Variants in PAPPA2 observed in about 807,000 individuals in gnomAD.
The protein encoded by PAPPA2 is pappalysin 2, also known as pappalysin-2.
In PAPPA2, 86 loss-of-function variants were observed where a neutral mutation model predicts 176.4. That is an observed-to-expected ratio of 0.49 (90% CI 0.41 to 0.58). PAPPA2 has a LOEUF of 0.58. PAPPA2 is among the 20% of genes least tolerant of loss of function. The pLI, the probability that PAPPA2 is intolerant of heterozygous loss-of-function variation, is 0.00. For missense variants in PAPPA2, 2,073 were observed against 2,256.9 expected, an observed-to-expected ratio of 0.92 and a Z score of 1.65; for synonymous variants, 809 against 852.2, an observed-to-expected ratio of 0.95 and a Z score of 0.88.
At chr1:176,676,510 G>A (rs1659307414) in intron 4 of PAPPA2, among the ~76,000 whole-genome samples, 1 of 151,824 alleles carries the variant, frequency 6.6e-6, no homozygotes, top group Non-Finnish European at 1.5e-5. Context: ...CACATTTGCA[G>A]TATTCTCAAA....
At chr1:176,511,131 A>C (rs1648575780) in intron 1 of PAPPA2, among the ~76,000 whole-genome samples, 1 of 152,162 alleles carries the variant, frequency 6.6e-6, no homozygotes, top group African/African-American at 2.4e-5. Context: ...GTTGTCTATA[A>C]AATGTGTACA....
At chr1:176,650,426 T>A (rs907875972) in intron 3 of PAPPA2, among the ~76,000 whole-genome samples, 5 of 151,420 alleles carry the variant, frequency 3.3e-5, no homozygotes, top group Non-Finnish European at 7.4e-5. Context: ...TTTTATTATA[T>A]ACTTTAAGTT....
chr1:176,598,805 T>G (rs10913214), intron 3 of PAPPA2, among the ~76,000 whole-genome samples: 24,308 of 152,100 alleles, frequency 0.16, 2,074 homozygotes, highest in Middle Eastern at 0.22. Flanking sequence ...CCAGTTGTCT[T>G]TAGGTCTGCT....
intron 3 of PAPPA2, among the ~76,000 whole-genome samples, chr1:176,629,374 G>A (rs1656216406): frequency 6.6e-6 from 1 of 152,216 alleles, no homozygotes; most frequent in Non-Finnish European, 1.5e-5. Context: ...TGGTATTTAT[G>A]TATGAGGTCT....
chr1:176,704,362 C>T (rs1328119778), intron 9 of PAPPA2, among the ~76,000 whole-genome samples: 1 of 152,158 alleles, frequency 6.6e-6, no homozygotes, highest in Non-Finnish European at 1.5e-5. Flanking sequence ...CACCACATTA[C>T]ACGTAAAACA....
intron 1 of PAPPA2, among the ~76,000 whole-genome samples, chr1:176,554,972 A>AGT (rs561289002): frequency 0.058 from 8,099 of 140,630 alleles, 679 homozygotes; most frequent in African/African-American, 0.19. Context: ...GTTCACAGTA[A>AGT]GTGTGTGTGT....
intron 4 of PAPPA2, among the ~76,000 whole-genome samples, chr1:176,677,205 A>G (rs1013785953): frequency 1.3e-5 from 2 of 152,320 alleles, no homozygotes; most frequent in South Asian, 2.1e-4. Context: ...AGAGGAAGAC[A>G]TTCAGAATTT....
chr1:176,562,600 C>A (rs746806383), intron 2 of PAPPA2, among the ~76,000 whole-genome samples: 1 of 152,194 alleles, frequency 6.6e-6, no homozygotes, highest in Non-Finnish European at 1.5e-5. Context: ...GAACTCTGCT[C>A]CCTGGTTAGG....
intron 1 of PAPPA2, among the ~76,000 whole-genome samples, chr1:176,495,128 G>A (rs1558401271): frequency 6.6e-6 from 1 of 152,194 alleles, no homozygotes; most frequent in Non-Finnish European, 1.5e-5. Context: ...TAAGGCAAGA[G>A]ATGATGATAA....
chr1:176,569,170 A>C (rs972111436), intron 2 of PAPPA2, among the ~76,000 whole-genome samples: 1 of 152,042 alleles, frequency 6.6e-6, no homozygotes, highest in Non-Finnish European at 1.5e-5. Context: ...ACACACCCAC[A>C]CCTTCATATA....
At chr1:176,600,193 T>G (rs1476239055) in intron 3 of PAPPA2, among the ~76,000 whole-genome samples, 1 of 152,180 alleles carries the variant, frequency 6.6e-6, no homozygotes, top group Non-Finnish European at 1.5e-5. Flanking sequence ...TTCTCTGGGT[T>G]TAAATCCAGG....
rs11287389 is a variant in PAPPA2 at position 176,778,190 on chromosome 1, TA to T, written c.4715+7019del. ...CACCAAAATAGAAACTTTATTAAAT[TA>T]AAAAAAAATGTACTATTCTCCCCCA... On this transcript the variant is annotated intron_variant, in intron 17 of 22. Coordinates refer to ENST00000367662, the MANE Select transcript of PAPPA2 (RefSeq NM_020318.3). Among the ~76,000 whole-genome samples, 1,440 of 151,262 alleles carry T rather than the reference TA, an allele frequency of 9.5e-3. 30 individuals are homozygous for T. The highest frequency in any genetic ancestry group is 0.031 in the African/African-American group (1,299 of 41,246).
chr1:176,752,610 A>G (rs1663237424), intron 14 of PAPPA2, among the ~76,000 whole-genome samples: 2 of 152,308 alleles, frequency 1.3e-5, no homozygotes, highest in South Asian at 2.1e-4. Flanking sequence ...TGACATGAAT[A>G]CTAATTTAGT....
chr1:176,644,129 G>T (rs1450103788), intron 3 of PAPPA2, among the ~76,000 whole-genome samples: 1 of 151,774 alleles, frequency 6.6e-6, no homozygotes, highest in Non-Finnish European at 1.5e-5. Context: ...CCTCTCAAAA[G>T]CTCAGTGTCT....
At chr1:176,647,031 G>C (rs947194836) in intron 3 of PAPPA2, among the ~76,000 whole-genome samples, 1 of 151,464 alleles carries the variant, frequency 6.6e-6, no homozygotes, top group East Asian at 1.9e-4. Flanking sequence ...CTTACCTACT[G>C]TATATAACAG....
chr1:176,604,640 G>A (rs1346237111), intron 3 of PAPPA2, among the ~76,000 whole-genome samples: 1 of 151,976 alleles, frequency 6.6e-6, no homozygotes, highest in Non-Finnish European at 1.5e-5. Context: ...TTTACTATCT[G>A]GCCGTTTATG....
At chr1:176,562,486 A>G (rs1651733808) in intron 2 of PAPPA2, among the ~76,000 whole-genome samples, 1 of 152,178 alleles carries the variant, frequency 6.6e-6, no homozygotes, top group Non-Finnish European at 1.5e-5. Flanking sequence ...TGAGGTTTGC[A>G]TGGCCCTCTC....
At chr1:176,646,315 T>A (rs1389110103) in intron 3 of PAPPA2, among the ~76,000 whole-genome samples, 1 of 151,338 alleles carries the variant, frequency 6.6e-6, no homozygotes, top group Non-Finnish European at 1.5e-5. Context: ...ATGAGGTACA[T>A]GAGATATTTT....
Position 176,842,614 on chromosome 1 carries a change from G to T in PAPPA2, c.*160G>T, listed in dbSNP as rs896128393. On this transcript the variant is annotated 3_prime_UTR_variant, in exon 23 of 23. Coordinates refer to ENST00000367662, the MANE Select transcript of PAPPA2 (RefSeq NM_020318.3). ...AAGAAATGCAAGAGGATATTGATAG[G>T]TGTGAACTAGTTCATCAAGTAGCCC... 3.0e-6 allele frequency: 2 copies of T among 674,554 alleles called. No individual in the cohort carries two copies. The highest frequency in any genetic ancestry group is 2.5e-6 in the Non-Finnish European group (1 of 404,100). 41.8% of individuals were successfully genotyped at this position (674,554 alleles called of 1,614,324 possible). A position where few individuals can be genotyped will look rare whatever the true frequency, so the allele number is the denominator to read the frequency against.
Sources: allele counts gnomAD v4.1 joint callset (sites outside exome capture counted in the v4.1 genomes callset), GRCh38; gene constraint gnomAD v4.1.1; transcripts MANE v1.5; gene names NCBI Gene and HGNC (gene_info 2026-07-23, HGNC 2026-07-21).